EGFLAM: variants seen among roughly 807,000 people sequenced by gnomAD.
EGFLAM encodes the protein pikachurin.
A neutral mutation model predicts 113.1 loss-of-function variants in EGFLAM; 79 were observed. The ratio of observed to expected loss-of-function variants is 0.70; its 90% CI spans 0.58 to 0.84. The LOEUF (loss-of-function observed/expected upper bound fraction) is 0.84. Among genes scored for constraint, EGFLAM ranks in the 40% least tolerant of loss-of-function variants. The pLI is 0.00. For synonymous variants in EGFLAM, 504 were observed against 487.6 expected, an observed-to-expected ratio of 1.03 and a Z score of -0.44; for missense variants, 1,265 against 1,291.6, an observed-to-expected ratio of 0.98 and a Z score of 0.32.
At chr5:38,261,530 A>G (rs1343192484) in intron 1 of EGFLAM, among the ~76,000 whole-genome samples, 2 of 152,194 alleles carry the variant, frequency 1.3e-5, no homozygotes, top group East Asian at 3.9e-4. Flanking sequence ...TGGAATGGAA[A>G]TTTAAACTCT....
chr5:38,349,767 A>ACACGCGCG (rs1739565496), intron 3 of EGFLAM, among the ~76,000 whole-genome samples: 1 of 95,216 alleles, frequency 1.1e-5, no homozygotes, highest in Non-Finnish European at 2.1e-5. Flanking sequence ...CAGGGGAAGT[A>ACACGCGCG]CACACGCACA....
At chr5:38,321,039 T>C (rs13356132) in intron 1 of EGFLAM, among the ~76,000 whole-genome samples, 22,158 of 152,132 alleles carry the variant, frequency 0.15, 1,694 homozygotes, top group African/African-American at 0.17. Flanking sequence ...ATGTTGCAAT[T>C]ATTATGTACT....
chr5:38,448,192 T>C (rs1447500293), intron 17 of EGFLAM, 109 bp from the exon 18 acceptor site: 2 of 1,192,902 alleles, frequency 1.7e-6, no homozygotes, highest in Non-Finnish European at 2.5e-6. Context: ...GGCTGATGAA[T>C]TGTTAAACAT....
At chr5:38,439,961 A>G (rs1268379197) in intron 17 of EGFLAM, among the ~76,000 whole-genome samples, 1 of 152,240 alleles carries the variant, frequency 6.6e-6, no homozygotes, top group Non-Finnish European at 1.5e-5. Flanking sequence ...TTAAAGGGAG[A>G]AAGAAAGGAT....
chr5:38,376,075 A>G (rs145108922), intron 6 of EGFLAM, among the ~76,000 whole-genome samples: 48 of 152,194 alleles, frequency 3.2e-4, no homozygotes, highest in African/African-American at 1.1e-3. Context: ...TTTCCCTGCA[A>G]GAAAGAAACA....
intron 17 of EGFLAM, 91 bp downstream of exon 17, chr5:38,438,546 G>C (rs1742434764): frequency 4.7e-6 from 6 of 1,276,618 alleles, no homozygotes; most frequent in African/African-American, 1.5e-5. Context: ...TGGAAGAGTT[G>C]TAACAGTGGT....
intron 1 of EGFLAM, among the ~76,000 whole-genome samples, chr5:38,309,072 A>G: frequency 6.6e-6 from 1 of 152,240 alleles, no homozygotes; most frequent in African/African-American, 2.4e-5. Flanking sequence ...TAAAAATTAA[A>G]TTATGTTATA....
At chr5:38,399,372 G>C (rs764013896) in intron 6 of EGFLAM, among the ~76,000 whole-genome samples, 2 of 145,660 alleles carry the variant, frequency 1.4e-5, no homozygotes, top group Non-Finnish European at 3.0e-5. Context: ...CCGCCTCCCA[G>C]GCTCAAGCGA....
At chr5:38,348,482 G>C (rs1739532446) in intron 3 of EGFLAM, among the ~76,000 whole-genome samples, 1 of 152,184 alleles carries the variant, frequency 6.6e-6, no homozygotes, top group Admixed American at 6.5e-5. Context: ...GGAGCCAAGA[G>C]ATTGAAGAAG....
chr5:38,375,637 C>G (rs1189280079), intron 6 of EGFLAM, among the ~76,000 whole-genome samples: 1 of 152,194 alleles, frequency 6.6e-6, no homozygotes, highest in African/African-American at 2.4e-5. Context: ...TAATGCCAGA[C>G]ACTATTAGCA....
At chr5:38,276,025 T>C (rs1323080480) in intron 1 of EGFLAM, among the ~76,000 whole-genome samples, 1 of 152,138 alleles carries the variant, frequency 6.6e-6, no homozygotes, top group African/African-American at 2.4e-5. Flanking sequence ...TTGCTGCTGA[T>C]AAAGACATAC....
chr5:38,393,580 A>G (rs896071876), intron 6 of EGFLAM, among the ~76,000 whole-genome samples: 9 of 152,384 alleles, frequency 5.9e-5, no homozygotes, highest in South Asian at 2.1e-4. Context: ...AACAGTAATG[A>G]TGAGACAGAT....
At chr5:38,448,805 C>T (rs150540352) in intron 18 of EGFLAM, among the ~76,000 whole-genome samples, 134 of 152,330 alleles carry the variant, frequency 8.8e-4, no homozygotes, top group African/African-American at 3.0e-3. Context: ...CCTGGGCCAG[C>T]AGCAGAAGGA....
Position 38,258,793 on chromosome 5 carries a change from C to T in EGFLAM, c.39C>T (p.Leu13=), listed in dbSNP as rs1757418193. 6.2e-7 allele frequency: 1 copy of T among 1,612,424 alleles called. No homozygotes were observed. Among genetic ancestry groups the T allele is most frequent in the African/African-American group, 1.3e-5 (1 of 74,908 alleles). Residue 13 remains leucine, a synonymous_variant, in exon 1 of 22, where the codon CTC becomes CTT. Transcript: ENST00000322350. ...GAGGCGTCTTGCTCCGGCTCCTGCT[C>T]CTGGCTTCCAGCCTCGGACCCGGCG... The part of the protein sequence containing the change: ...LIRGVLLRLL[L]LASSLGPGAV...
chr5:38,440,375 C>T (rs970677001), intron 17 of EGFLAM, among the ~76,000 whole-genome samples: 1 of 152,160 alleles, frequency 6.6e-6, no homozygotes, highest in Admixed American at 6.6e-5. Flanking sequence ...TCCTTTCCAT[C>T]ATAATGACTG....
At chr5:38,367,714 G>T (rs1740099170) in intron 5 of EGFLAM, among the ~76,000 whole-genome samples, 1 of 152,160 alleles carries the variant, frequency 6.6e-6, no homozygotes, top group South Asian at 2.1e-4. Flanking sequence ...TCAAAAAAAA[G>T]ATACAGGTGT....
chr5:38,451,756 C>A, intron 19 of EGFLAM: 1 of 275,650 alleles, frequency 3.6e-6, no homozygotes, highest in Non-Finnish European at 6.8e-6. Flanking sequence ...TTCGGGAGGC[C>A]GAGGTGGGCA....
chr5:38,385,274 A>ACCCCCCCCC (rs1423167971), intron 6 of EGFLAM, among the ~76,000 whole-genome samples: 2 of 33,590 alleles, frequency 6.0e-5, no homozygotes, highest in African/African-American at 1.0e-4. Context: ...ACTGTTTCCC[A>ACCCCCCCCC]CCCACCCCCC....
intron 17 of EGFLAM, chr5:38,445,556 G>T (rs1326472795): frequency 6.3e-7 from 1 of 1,591,078 alleles, no homozygotes; most frequent in South Asian, 1.1e-5. Flanking sequence ...CTGGACTCTC[G>T]GGCAGAGCTT....
Sources: allele counts gnomAD v4.1 joint callset (sites outside exome capture counted in the v4.1 genomes callset), GRCh38; gene constraint gnomAD v4.1.1; transcripts MANE v1.5; gene names NCBI Gene and HGNC (gene_info 2026-07-23, HGNC 2026-07-21).